Variants in MRE11 observed in about 807,000 individuals in gnomAD.
MRE11 encodes the protein MRE11 double strand break repair nuclease.
A neutral mutation model predicts 91.7 loss-of-function variants in MRE11; 62 were observed. The observed-to-expected ratio is 0.68, with a 90% CI of 0.55 to 0.84. MRE11 has a LOEUF of 0.84. MRE11 is among the 40% of genes least tolerant of loss of function. The pLI is 0.00. For synonymous variants in MRE11, 273 were observed against 271.4 expected (o/e 1.01, Z -0.06); for missense variants, 796 against 852.9 (o/e 0.93, Z 0.83).
the MRE11 span, among the ~76,000 whole-genome samples, chr11:94,509,131 A>C: frequency 1.3e-5 from 2 of 152,330 alleles, no homozygotes; most frequent in South Asian, 4.1e-4. Flanking sequence ...CTAGTTGAGG[A>C]AAATTAACAT....
chr11:94,465,648 G>A (rs895176868), intron 10 of MRE11, among the ~76,000 whole-genome samples: 3 of 151,996 alleles, frequency 2.0e-5, no homozygotes, highest in Admixed American at 1.3e-4. Context: ...CAGCCACTTC[G>A]GCCTCCCAAA....
intron 19 of MRE11, among the ~76,000 whole-genome samples, chr11:94,421,463 T>C (rs190045383): frequency 2.2e-4 from 33 of 152,388 alleles, no homozygotes; most frequent in Admixed American, 6.5e-5. Flanking sequence ...TGAAGTCTAA[T>C]AGATAATTTG....
chr11:94,419,140 C>A lies in MRE11; in HGVS notation c.*985G>T, dbSNP rs1455032850. The A allele has an allele frequency of 8.6e-6, 2 of 232,222 alleles. No individual in the cohort carries two copies. The highest frequency in any genetic ancestry group is 1.7e-5 in the Non-Finnish European group (2 of 117,702). The allele number at this position is 232,222 out of a possible 1,614,324, so 14.4% of individuals were successfully genotyped here. On this transcript the variant is annotated 3_prime_UTR_variant, in exon 20 of 20. Transcript: ENST00000323929. ...TGAAGATGTCTAATTCTTATTTCTCCCCGAAAACAAGTAAAAAATAGAAGC... is the reference window on the plus strand; with the variant it reads ...TGAAGATGTCTAATTCTTATTTCTCACCGAAAACAAGTAAAAAATAGAAGC...
At chr11:94,458,710 T>C (rs1946330061) in intron 13 of MRE11, among the ~76,000 whole-genome samples, 1 of 152,204 alleles carries the variant, frequency 6.6e-6, no homozygotes, top group Admixed American at 6.5e-5. Context: ...ATACTATTTT[T>C]CTCAAATTGC....
In MRE11 at chr11:94,478,789, T is replaced by C. The variant is rs751634787; in HGVS notation, c.490A>G (p.Ile164Val). ...CCTTTTTGAAGCAAAACCGGACTAA[T>C]GTCTATCTTCTCCACAGACATTGAA... ...GRSMSVEKID[I>V]SPVLLQKGST... The change falls in exon 6 of 20, where the codon ATT (isoleucine) becomes GTT (valine). Residue 164 changes from isoleucine (I) to valine (V), a missense_variant. Physicochemically the swap from Ile to Val is conservative, Grantham distance 29. Coordinates refer to ENST00000323929, the MANE Select transcript of MRE11 (RefSeq NM_005591.4). The C allele has an allele frequency of 1.2e-6, 2 of 1,613,758 alleles. No individual in the cohort carries two copies. Among genetic ancestry groups the C allele is most frequent in the South Asian group, 2.2e-5 (2 of 91,074 alleles).
chr11:94,462,857 G>T (rs1946457008), intron 11 of MRE11, among the ~76,000 whole-genome samples: 2 of 152,088 alleles, frequency 1.3e-5, no homozygotes, highest in Non-Finnish European at 2.9e-5. Flanking sequence ...TACCATTCAG[G>T]ACAGAGGCAT....
At chr11:94,444,075 T>C (rs1945861357) in intron 16 of MRE11, among the ~76,000 whole-genome samples, 1 of 151,740 alleles carries the variant, frequency 6.6e-6, no homozygotes, top group South Asian at 2.1e-4. Flanking sequence ...CCTGGATAAT[T>C]TTTTGTATTT....
intron 7 of MRE11, 108 bp from the exon 8 acceptor site, chr11:94,471,867 C>A: frequency 1.2e-6 from 1 of 855,410 alleles, no homozygotes; most frequent in South Asian, 1.6e-5. Flanking sequence ...TTATTGCATC[C>A]TTCTATGTAC....
At chr11:94,470,776 T>C in intron 8 of MRE11, 134 bp from the exon 9 acceptor site, 1 of 970,534 alleles carries the variant, frequency 1.0e-6, no homozygotes, top group Admixed American at 2.1e-5. Flanking sequence ...TAAATGTTTC[T>C]GCTAATTTAA....
intron 13 of MRE11, 71 bp from the exon 14 acceptor site, chr11:94,456,409 C>A: frequency 8.5e-7 from 1 of 1,180,590 alleles, no homozygotes. Flanking sequence ...CAAGGGGCTA[C>A]AATTAAGAAA....
chr11:94,462,011 C>G (rs1239732918), intron 11 of MRE11, among the ~76,000 whole-genome samples: 1 of 152,052 alleles, frequency 6.6e-6, no homozygotes, highest in Admixed American at 6.5e-5. Context: ...GGAGGCGGAG[C>G]TTACAGTGAG....
chr11:94,429,668 G>A (rs538939627), intron 19 of MRE11, among the ~76,000 whole-genome samples: 4 of 152,272 alleles, frequency 2.6e-5, no homozygotes, highest in African/African-American at 9.6e-5. Flanking sequence ...CTACTAGAGA[G>A]TGGAGGCTGA....
intron 5 of MRE11, among the ~76,000 whole-genome samples, 190 bp downstream of exon 5, chr11:94,479,484 C>T (rs966791078): frequency 2.6e-5 from 4 of 152,110 alleles, no homozygotes; most frequent in African/African-American, 7.2e-5. Context: ...ATAGCTCATA[C>T]ACCAATTCTT....
rs1555009398 is a variant in MRE11, at chr11:94,459,529, T to C, written c.1379A>G (p.Glu460Gly). Residue 460 changes from glutamate to glycine, a missense_variant, in exon 13 of 20, where the codon GAA (glutamate) becomes GGA (glycine). Coordinates refer to ENST00000323929, the MANE Select transcript of MRE11 (RefSeq NM_005591.4). ...TERGMGEAVQ[E>G]FVDKEEKDAI... is the part of the protein sequence containing the mutation. ...ATCTTTCTCCTCCTTGTCCACAAAT[T>C]CTTGTACTGCTTCACCCATCCCTCT... The C allele has an allele frequency of 1.2e-6, 2 of 1,614,088 alleles. No homozygotes were observed. Among genetic ancestry groups the C allele is most frequent in the Non-Finnish European group, 1.7e-6 (2 of 1,179,940 alleles).
At chr11:94,487,038 T>G (rs779425162) in intron 3 of MRE11, among the ~76,000 whole-genome samples, 1 of 151,816 alleles carries the variant, frequency 6.6e-6, no homozygotes, top group African/African-American at 2.4e-5. Flanking sequence ...ACTATTTGAG[T>G]AAAAGGAAGA....
intron 3 of MRE11, among the ~76,000 whole-genome samples, chr11:94,488,222 ACCT>A (rs926834585): frequency 6.6e-6 from 1 of 152,184 alleles, no homozygotes; most frequent in Admixed American, 6.5e-5. Context: ...CAGGAAACAG[ACCT>A]CCTTTGGCCA....
intron 19 of MRE11, among the ~76,000 whole-genome samples, chr11:94,422,854 C>A (rs1945209452): frequency 6.6e-6 from 1 of 152,054 alleles, no homozygotes; most frequent in South Asian, 2.1e-4. Context: ...GGTGGGATTA[C>A]AGGCATGTGC....
intron 3 of MRE11, among the ~76,000 whole-genome samples, chr11:94,486,557 C>A (rs976191719): frequency 6.6e-6 from 1 of 152,154 alleles, no homozygotes; most frequent in African/African-American, 2.4e-5. Context: ...TCTACTGAGT[C>A]CTGAGGATAC....
At chr11:94,442,789 G>C (rs977947605) in intron 16 of MRE11, among the ~76,000 whole-genome samples, 2 of 152,156 alleles carry the variant, frequency 1.3e-5, no homozygotes, top group African/African-American at 4.8e-5. Context: ...TTTGTCTCAA[G>C]TCACAAAGCT....
Sources: allele counts gnomAD v4.1 joint callset (sites outside exome capture counted in the v4.1 genomes callset), GRCh38; gene constraint gnomAD v4.1.1; transcripts MANE v1.5; gene names NCBI Gene and HGNC (gene_info 2026-07-23, HGNC 2026-07-21).